The following ITSN1 variants were observed in gnomAD, a reference collection of about 807,000 sequenced individuals.
ITSN1 encodes the protein intersectin-1.
A neutral mutation model predicts 239.8 loss-of-function variants in ITSN1; 58 were observed. That is an observed-to-expected ratio of 0.24 (90% CI 0.20 to 0.30). The LOEUF is 0.30. Among genes scored for constraint, ITSN1 ranks in the 10% least tolerant of loss-of-function variants. The probability of loss-of-function intolerance (pLI) is 1.00; values close to 1 mark genes in which losing one functional copy is unlikely to be tolerated. For synonymous variants in ITSN1, 780 were observed against 770.8 expected (o/e 1.01, Z -0.20); for missense variants, 1,558 against 2,103.3 (o/e 0.74, Z 5.07).
intron 19 of ITSN1, among the ~76,000 whole-genome samples, chr21:33,801,241 C>G (rs1306031631): frequency 2.0e-5 from 3 of 152,140 alleles, no homozygotes; most frequent in Non-Finnish European, 4.4e-5. Context: ...GACTGTATGT[C>G]TTTGAAGTAT....
intron 29 of ITSN1, among the ~76,000 whole-genome samples, chr21:33,856,250 C>T (rs1299836893): frequency 3.3e-5 from 5 of 152,182 alleles, no homozygotes; most frequent in African/African-American, 9.7e-5. Flanking sequence ...AGGAGTGTGC[C>T]GCCTGTATCA....
At chr21:33,738,651 C>T (rs1322957935) in intron 5 of ITSN1, among the ~76,000 whole-genome samples, 5 of 152,084 alleles carry the variant, frequency 3.3e-5, no homozygotes, top group African/African-American at 4.8e-5. Context: ...CCACCCGCCT[C>T]GGCCTCCCAA....
chr21:33,662,031 G>A (rs1431981248), intron 1 of ITSN1, among the ~76,000 whole-genome samples: 1 of 152,108 alleles, frequency 6.6e-6, no homozygotes, highest in East Asian at 1.9e-4. Context: ...CTGCCTTGTA[G>A]GATAAAATCT....
intron 20 of ITSN1, among the ~76,000 whole-genome samples, chr21:33,808,505 A>G (rs1039744546): frequency 6.6e-6 from 1 of 151,986 alleles, no homozygotes; most frequent in African/African-American, 2.4e-5. Context: ...GAATTGCTTG[A>G]ACCCAGGAGG....
At position 33,797,937 on chromosome 21, in the gene ITSN1, T is replaced by C. The variant is rs2071687278; in HGVS notation, c.2182+329T>C. Among the ~76,000 whole-genome samples, 1 of 152,226 alleles carries C rather than the reference T, an allele frequency of 6.6e-6. No individual in the cohort carries two copies. Among genetic ancestry groups the C allele is most frequent in the Non-Finnish European group, 1.5e-5 (1 of 68,028 alleles). ...GTTTGTTATTTCCCTCCCTGGAATT[T>C]CTGAGCTGTTTCTGCAACAGAAAGT... On this transcript the variant is annotated intron_variant, in intron 18 of 39. Transcript: ENST00000381318. The surrounding 1 kb of genome is among the most constrained non-coding windows in gnomAD (Gnocchi z 4.9).
intron 17 of ITSN1, among the ~76,000 whole-genome samples, chr21:33,796,624 G>A (rs764286426): frequency 2.2e-4 from 34 of 152,310 alleles, no homozygotes; most frequent in South Asian, 4.1e-4. Flanking sequence ...GCTGTGTGAC[G>A]TGGACAAGTC....
At chr21:33,722,027 C>T (rs1289920998) in intron 3 of ITSN1, 12 of 151,504 alleles carry the variant, frequency 7.9e-5, no homozygotes, top group Admixed American at 7.2e-4. Context: ...CTGCCTCAGC[C>T]TCCGAAGTAG....
At chr21:33,664,445 C>T (rs1265108384) in intron 1 of ITSN1, among the ~76,000 whole-genome samples, 2 of 152,138 alleles carry the variant, frequency 1.3e-5, no homozygotes, top group Admixed American at 6.5e-5. Context: ...CTCACTCACT[C>T]TTGGGGAGGG....
chr21:33,879,028 T>A (rs1008654100), intron 34 of ITSN1, among the ~76,000 whole-genome samples: 1 of 152,110 alleles, frequency 6.6e-6, no homozygotes, highest in Non-Finnish European at 1.5e-5. Flanking sequence ...CTGGAGGTGA[T>A]GCTTGACTGC....
intron 5 of ITSN1, among the ~76,000 whole-genome samples, chr21:33,738,273 A>G (rs1411678947): frequency 1.3e-5 from 2 of 152,164 alleles, no homozygotes; most frequent in South Asian, 2.1e-4. Flanking sequence ...TTTGATCACA[A>G]TGATAACCCT....
At chr21:33,646,200 G>C (rs537829010) in intron 1 of ITSN1, among the ~76,000 whole-genome samples, 9 of 152,300 alleles carry the variant, frequency 5.9e-5, no homozygotes, top group African/African-American at 2.2e-4. Context: ...AGTGACTTCT[G>C]TAAGTTTGGT....
In ITSN1 at chr21:33,671,319, A is replaced by G. The variant is rs553418559; in HGVS notation, c.-33+28606A>G. 7.0e-4 allele frequency among the ~76,000 whole-genome samples: 106 copies of G among 152,024 alleles called. 2 individuals carry two copies. In the South Asian group the frequency reaches 0.02, roughly 29 times the overall value. On this transcript the variant is annotated intron_variant, in intron 1 of 39. Coordinates refer to ENST00000381318, the MANE Select transcript of ITSN1 (RefSeq NM_003024.3). ...TTTGTTTGTTTTGAGACAGAGTTTC[A>G]ATCTTGTCACCCAGGCTGGATTGCA...
In ITSN1 at chr21:33,888,880, A is replaced by G. The variant is rs1986152568; in HGVS notation, c.*580A>G. ...ATCAGGCCCTGGCTTAGCTCTTTGA[A>G]GAGCTGGTCTATGGAAGTTTCCAGC... is the stretch of plus-strand genomic sequence containing the variant. On this transcript the variant is annotated 3_prime_UTR_variant, in exon 40 of 40. Coordinates refer to ENST00000381318, the MANE Select transcript of ITSN1 (RefSeq NM_003024.3). 1 of 152,318 alleles carries G rather than the reference A, an allele frequency of 6.6e-6. No individual in the cohort carries two copies. The highest frequency in any genetic ancestry group is 1.5e-5 in the Non-Finnish European group (1 of 68,134). 9.4% of individuals were successfully genotyped at this position (152,318 alleles called of 1,614,324 possible). A position where few individuals can be genotyped will look rare whatever the true frequency, so the allele number is the denominator to read the frequency against.
At chr21:33,728,461 A>G (rs915414608) in intron 4 of ITSN1, among the ~76,000 whole-genome samples, 3 of 147,404 alleles carry the variant, frequency 2.0e-5, no homozygotes, top group African/African-American at 5.1e-5. Flanking sequence ...ATCTCCTGAC[A>G]TTGTGATCCG....
Position 33,882,867 on chromosome 21 carries a change from AG to A in ITSN1, c.4554+413del, listed in dbSNP as rs1411678084. ...TTCTCCAGGTAGCTTGAAACATCCG[AG>A]CCCCCTCCTTTCTAGCAAAGTCTCT... On this transcript the variant is annotated intron_variant, in intron 35 of 39. Coordinates refer to ENST00000381318, the MANE Select transcript of ITSN1 (RefSeq NM_003024.3). The surrounding 1 kb of genome is among the most constrained non-coding windows in gnomAD (Gnocchi z 4.5). Among the ~76,000 whole-genome samples, 1 of 152,158 alleles carries A rather than the reference AG, an allele frequency of 6.6e-6. No individual in the cohort carries two copies. The highest frequency in any genetic ancestry group is 1.5e-5 in the Non-Finnish European group (1 of 68,030).
intron 34 of ITSN1, 50 bp downstream of exon 34, chr21:33,875,571 T>C (rs1284094179): frequency 9.6e-6 from 15 of 1,562,216 alleles, no homozygotes; most frequent in Non-Finnish European, 1.3e-5. Context: ...GAGCCTCGCC[T>C]GCCAGCCTGG....
At chr21:33,831,732 C>T (rs951552991) in intron 27 of ITSN1, among the ~76,000 whole-genome samples, 4 of 152,114 alleles carry the variant, frequency 2.6e-5, no homozygotes, top group Non-Finnish European at 4.4e-5. Context: ...ATATAAGAAA[C>T]GCATCTTGGC....
At chr21:33,811,288 C>G in intron 21 of ITSN1, 66 bp downstream of exon 21, 3 of 1,458,550 alleles carry the variant, frequency 2.1e-6, no homozygotes, top group South Asian at 1.4e-5. Flanking sequence ...CCCCCCACCC[C>G]CTTAAGTATT....
chr21:33,674,512 C>T lies in ITSN1; in HGVS notation c.-33+31799C>T, dbSNP rs75024467. 5.9e-4 allele frequency among the ~76,000 whole-genome samples: 90 copies of T among 151,868 alleles called. 1 individual carries two copies. The East Asian group carries it at 0.016, about 27-fold the overall frequency. The stretch of plus-strand genomic sequence containing the variant: ...AACTATTGGGCTAAAGTGTGGAAGA[C>T]AATTAAAAATAATAATATGGAGGGG... On this transcript the variant is annotated intron_variant, in intron 1 of 39. Coordinates refer to ENST00000381318, the MANE Select transcript of ITSN1 (RefSeq NM_003024.3).
Sources: allele counts gnomAD v4.1 joint callset (sites outside exome capture counted in the v4.1 genomes callset), GRCh38; gene constraint gnomAD v4.1.1; non-coding constraint Gnocchi (gnomAD v3.1); transcripts MANE v1.5; gene names NCBI Gene and HGNC (gene_info 2026-07-23, HGNC 2026-07-21).